Variants in SAAL1 observed in about 807,000 individuals in gnomAD.
SAAL1 encodes the protein serum amyloid A like 1, also known as protein SAAL1.
SAAL1 carries 42 observed loss-of-function variants against 59.8 expected under a neutral mutation model. The observed-to-expected ratio is 0.70, with a 90% confidence interval of 0.55 to 0.91. The LOEUF (loss-of-function observed/expected upper bound fraction) is 0.91. SAAL1 is among the 40% of genes least tolerant of loss of function. SAAL1 has a pLI of 0.00. For missense variants in SAAL1, 542 were observed against 561.1 expected (o/e 0.97, Z 0.34); for synonymous variants, 191 against 194.3 (o/e 0.98, Z 0.14).
chr11:18,084,183 A>C (rs1848438518), intron 9 of SAAL1, among the ~76,000 whole-genome samples: 1 of 152,204 alleles, frequency 6.6e-6, no homozygotes, highest in African/African-American at 2.4e-5. Context: ...CAAAAAGTAC[A>C]AAAAAATTAG....
Position 18,106,044 on chromosome 11 carries a change from CTT to C in SAAL1, c.-5_-4del, listed in dbSNP as rs768832048. On this transcript the variant is annotated 5_prime_UTR_variant, in exon 1 of 12. Transcript: ENST00000524803. ...GGCGGCGAGGGGTTGCGGTCCATGA[CTT>C]TGTCGCGTCCCGCGCTTGAAGGCCG... is the stretch of plus-strand genomic sequence containing the variant. 3.8e-6 allele frequency: 6 copies of C among 1,599,768 alleles called. No individual in the cohort carries two copies. Among genetic ancestry groups the C allele is most frequent in the Non-Finnish European group, 4.2e-6 (5 of 1,177,510 alleles).
intron 1 of SAAL1, among the ~76,000 whole-genome samples, chr11:18,105,165 G>A (rs534346871): frequency 1.3e-5 from 2 of 151,974 alleles, no homozygotes; most frequent in East Asian, 3.9e-4. Context: ...AGTGGGTAAG[G>A]AAGCTGCGTT....
intron 1 of SAAL1, among the ~76,000 whole-genome samples, chr11:18,103,850 T>C (rs1848661242): frequency 6.6e-6 from 1 of 152,192 alleles, no homozygotes; most frequent in African/African-American, 2.4e-5. Flanking sequence ...CCTGCCTTAT[T>C]TGTTATTGTT....
chr11:18,082,449 T>C (rs1276219161), intron 10 of SAAL1, among the ~76,000 whole-genome samples: 1 of 151,052 alleles, frequency 6.6e-6, no homozygotes, highest in Non-Finnish European at 1.5e-5. Flanking sequence ...CACATATAAA[T>C]AGCATTTTGA....
Position 18,090,161 on chromosome 11 carries a change from AC to A in SAAL1, c.589+13del. ...ATTTAAAACATTTTTTTTCTAGAGTACATGATGACTTACCATTTGTTGAACT... is the reference window on the plus strand; with the variant it reads ...ATTTAAAACATTTTTTTTCTAGAGTAATGATGACTTACCATTTGTTGAACT... On this transcript the variant is annotated intron_variant, in intron 6 of 11. Coordinates refer to ENST00000524803, the MANE Select transcript of SAAL1 (RefSeq NM_138421.3). 6.4e-7 allele frequency: 1 copy of A among 1,571,900 alleles called. No homozygotes were observed. Among genetic ancestry groups the A allele is most frequent in the Non-Finnish European group, 8.6e-7 (1 of 1,163,012 alleles).
intron 2 of SAAL1, 119 bp downstream of exon 2, chr11:18,103,114 T>C: frequency 2.8e-6 from 2 of 706,318 alleles, no homozygotes; most frequent in Middle Eastern, 2.4e-4. Context: ...CATATATGGG[T>C]GTGATTACAG....
At chr11:18,089,670 C>A (rs538216331) in intron 6 of SAAL1, among the ~76,000 whole-genome samples, 160 bp from the exon 7 acceptor site, 94 of 152,308 alleles carry the variant, frequency 6.2e-4, no homozygotes, top group African/African-American at 2.2e-3. Flanking sequence ...ATTTGCTTAT[C>A]TTTCCTCATT....
rs571194659 is a variant in SAAL1, at chr11:18,102,489, T to C, written c.249+744A>G. ...TACCTCAATAAAGTTTTAAATAAAA[T>C]GACTGAAACAATGAATAGCCATTGA... is the stretch of plus-strand genomic sequence containing the variant. On this transcript the variant is annotated intron_variant, in intron 2 of 11. Transcript: ENST00000524803. Among the ~76,000 whole-genome samples the C allele has an allele frequency of 2.0e-5, 3 of 151,948 alleles. No homozygotes were observed. The South Asian group carries it at 6.2e-4, about 32-fold the overall frequency.
At chr11:18,101,803 G>A (rs1252209627) in intron 2 of SAAL1, among the ~76,000 whole-genome samples, 1 of 143,834 alleles carries the variant, frequency 7.0e-6, no homozygotes, top group Non-Finnish European at 1.5e-5. Context: ...TACATATAAT[G>A]GAATACCATT....
chr11:18,097,745 G>A (rs1279371265), intron 2 of SAAL1, among the ~76,000 whole-genome samples: 1 of 151,932 alleles, frequency 6.6e-6, no homozygotes. Context: ...AGGTTGAGGT[G>A]GGAGGATCAC....
At chr11:18,085,245 C>A (rs1442692998) in intron 9 of SAAL1, among the ~76,000 whole-genome samples, 1 of 152,098 alleles carries the variant, frequency 6.6e-6, no homozygotes, top group Non-Finnish European at 1.5e-5. Context: ...TAAAATATAT[C>A]TAACTTAAGC....
Position 18,103,905 on chromosome 11 carries a change from A to T in SAAL1, c.136-559T>A, listed in dbSNP as rs536386076. Among the ~76,000 whole-genome samples the T allele has an allele frequency of 2.0e-5, 3 of 152,322 alleles. No individual in the cohort carries two copies. In the South Asian group the frequency reaches 6.2e-4, roughly 32 times the overall value. On this transcript the variant is annotated intron_variant, in intron 1 of 11. Coordinates refer to ENST00000524803, the MANE Select transcript of SAAL1 (RefSeq NM_138421.3). ...AGAGGTGATCATTTTTGCTTTGTAA[A>T]CATTTATTCCTTGATTTAACACAAT...
intron 2 of SAAL1, among the ~76,000 whole-genome samples, chr11:18,099,040 A>G (rs1171916866): frequency 6.6e-6 from 1 of 152,140 alleles, no homozygotes; most frequent in Non-Finnish European, 1.5e-5. Flanking sequence ...CCTGCCCAAG[A>G]TTATACAGTC....
At chr11:18,105,665 G>T (rs985632904) in intron 1 of SAAL1, among the ~76,000 whole-genome samples, 9 of 152,142 alleles carry the variant, frequency 5.9e-5, no homozygotes, top group African/African-American at 2.4e-5. Flanking sequence ...AAAATAGAAC[G>T]GCAAGTATTT....
chr11:18,092,285 G>A lies in SAAL1; in HGVS notation c.373C>T (p.Gln125Ter). ...CTGCTGATGGACACACATATCTCCTGGAAACAGGCCATATTACCTAAAATT... is the reference window on the plus strand; with the variant it reads ...CTGCTGATGGACACACATATCTCCTAGAAACAGGCCATATTACCTAAAATT... ...VGILGNMACF[Q>*]EICVSISSDK... Residue 125 changes from glutamine to a stop codon, truncating the protein, a stop_gained, in exon 4 of 12, where the codon CAG becomes TAG. Coordinates refer to ENST00000524803, the MANE Select transcript of SAAL1 (RefSeq NM_138421.3). LOFTEE classifies it high-confidence loss of function. The A allele has an allele frequency of 6.2e-7, 1 of 1,607,872 alleles. No individual in the cohort carries two copies. The highest frequency in any genetic ancestry group is 8.5e-7 in the Non-Finnish European group (1 of 1,174,450).
Position 18,087,073 on chromosome 11 carries a change from T to C in SAAL1, c.854-19A>G. On this transcript the variant is annotated intron_variant, in intron 8 of 11. Coordinates refer to ENST00000524803, the MANE Select transcript of SAAL1 (RefSeq NM_138421.3). ...CAATGTACTTAATAAAGAGGACAAATAAAGCAGTACTTTAAAATCAGCAAA... is the reference window on the plus strand; with the variant it reads ...CAATGTACTTAATAAAGAGGACAAACAAAGCAGTACTTTAAAATCAGCAAA... 6.2e-7 allele frequency: 1 copy of C among 1,608,032 alleles called. No individual in the cohort carries two copies. Among genetic ancestry groups the C allele is most frequent in the African/African-American group, 1.3e-5 (1 of 74,950 alleles).
At position 18,083,520 on chromosome 11, in the gene SAAL1, A is replaced by G; in HGVS notation, c.1239+15T>C. ...CTTTCTTTTGCTTATGACATCATCA[A>G]TACTTCTTTCCTACCTTTGTTAATG... On this transcript the variant is annotated intron_variant, in intron 10 of 11. Transcript: ENST00000524803. The G allele has an allele frequency of 6.7e-7, 1 of 1,492,446 alleles. No homozygotes were observed. The highest frequency in any genetic ancestry group is 9.3e-7 in the Non-Finnish European group (1 of 1,078,830). 92.5% of individuals were successfully genotyped at this position (1,492,446 alleles called of 1,614,324 possible).
Position 18,083,686 on chromosome 11 carries a change from A to G in SAAL1, c.1088T>C (p.Met363Thr). 1.9e-6 allele frequency: 3 copies of G among 1,611,490 alleles called. No individual in the cohort carries two copies. Among genetic ancestry groups the G allele is most frequent in the Non-Finnish European group, 2.5e-6 (3 of 1,178,672 alleles). ...IDSLIRVLQN[M>T]EQCQKKPENS... ...CTCTGGTTTTTTCTGACACTGTTCC[A>G]TATTTTGTAAGACCCGAATGAGGCT... The change falls in exon 10 of 12, where the codon ATG becomes ACG. Residue 363 changes from methionine to threonine, a missense_variant. Transcript: ENST00000524803.
At chr11:18,082,368 AATTT>A (rs1330669049) in intron 10 of SAAL1, among the ~76,000 whole-genome samples, 2 of 152,192 alleles carry the variant, frequency 1.3e-5, no homozygotes, top group Non-Finnish European at 2.9e-5. Flanking sequence ...AGTAAGACAC[AATTT>A]ATTACCTGAA....
Sources: gnomAD v4.1 joint callset for allele counts (sites outside exome capture counted in the v4.1 genomes callset) on GRCh38, gnomAD v4.1.1 for gene constraint, MANE v1.5 for transcripts, NCBI Gene and HGNC (gene_info 2026-07-23, HGNC 2026-07-21) for gene names.